Variants in TSNARE1 observed in about 807,000 individuals in gnomAD.
TSNARE1 encodes t-SNARE domain-containing protein 1.
A neutral mutation model predicts 62.0 loss-of-function variants in TSNARE1; 49 were observed. The observed-to-expected ratio is 0.79, with a 90% CI of 0.63 to 1.00. TSNARE1 has a LOEUF of 1.00. Ranked by LOEUF, TSNARE1 falls within the 50% of genes least tolerant of loss-of-function variation. The pLI is 0.00. For synonymous variants in TSNARE1, 328 were observed against 294.4 expected, an observed-to-expected ratio of 1.11 and a Z score of -1.17; for missense variants, 755 against 700.1, an observed-to-expected ratio of 1.08 and a Z score of -0.88.
At chr8:142,347,561 G>A (rs1486474951) in intron 2 of TSNARE1, among the ~76,000 whole-genome samples, 1 of 152,206 alleles carries the variant, frequency 6.6e-6, no homozygotes, top group Non-Finnish European at 1.5e-5. Flanking sequence ...GGCACTTGGT[G>A]ACTGAGCTCA....
rs969934266 is a variant in TSNARE1 at position 142,280,122 on chromosome 8, G to A, written c.1363+4291C>T. 54 of 1,123,398 alleles carry A rather than the reference G, an allele frequency of 4.8e-5. 2 individuals carry two copies. The Admixed American group carries it at 1.9e-3, about 40-fold the overall frequency. The allele number at this position is 1,123,398 out of a possible 1,614,324, so 69.6% of individuals were successfully genotyped here. ...GGGCAGGTGTGCCCCGCAGCGCCCC[G>A]AACAGCAGCGGGTAGTGGCGCCGCA... On this transcript the variant is annotated intron_variant, in intron 11 of 13. Coordinates refer to ENST00000524325, the MANE Select transcript of TSNARE1 (RefSeq NM_145003.5).
intron 6 of TSNARE1, among the ~76,000 whole-genome samples, chr8:142,322,428 G>A (rs1177944961): frequency 6.6e-6 from 1 of 152,152 alleles, no homozygotes; most frequent in Non-Finnish European, 1.5e-5. Flanking sequence ...TAGGAATAAG[G>A]GGGAAAGAAC....
intron 1 of TSNARE1, among the ~76,000 whole-genome samples, chr8:142,385,216 G>T (rs1837033669): frequency 6.6e-6 from 1 of 152,120 alleles, no homozygotes; most frequent in African/African-American, 2.4e-5. Flanking sequence ...AGACAATACA[G>T]TGACACCTCC....
At chr8:142,311,289 A>AGTTTTTTTTTTTTTT (rs1827548519) in intron 9 of TSNARE1, among the ~76,000 whole-genome samples, 3 of 68,810 alleles carry the variant, frequency 4.4e-5, no homozygotes, top group Admixed American at 1.8e-4. Context: ...CAGCCTCTCT[A>AGTTTTTTTTTTTTTT]GTTTTTTTTT....
At chr8:142,393,851 G>T (rs1019297507) in intron 1 of TSNARE1, among the ~76,000 whole-genome samples, 1 of 152,226 alleles carries the variant, frequency 6.6e-6, no homozygotes, top group Non-Finnish European at 1.5e-5. Flanking sequence ...CTGCTCAACC[G>T]AGACTTCCAG....
chr8:142,290,707 G>A (rs1428546885), intron 10 of TSNARE1, among the ~76,000 whole-genome samples: 3 of 152,244 alleles, frequency 2.0e-5, no homozygotes, highest in Admixed American at 2.0e-4. Context: ...GCCAGGTCAG[G>A]CACCTTCAGG....
chr8:142,310,099 T>C lies in TSNARE1; in HGVS notation c.1131+4285A>G, dbSNP rs948279487. 2.2e-4 allele frequency among the ~76,000 whole-genome samples: 34 copies of C among 152,326 alleles called. 2 individuals carry two copies. The highest frequency in any genetic ancestry group is 6.5e-4 in the Admixed American group (10 of 15,302). ...ATTCTGACAACTGGTAATCTGTATT[T>C]TCTTTTTCTATCTTGATTAATCTTG... is the stretch of plus-strand genomic sequence containing the variant. On this transcript the variant is annotated intron_variant, in intron 9 of 13. Transcript: ENST00000524325.
intron 4 of TSNARE1, among the ~76,000 whole-genome samples, chr8:142,340,392 C>G (rs60070950): frequency 0.079 from 11,947 of 152,158 alleles, 632 homozygotes; most frequent in East Asian, 0.28. Context: ...CCAGAACAGG[C>G]AAAGCCGCAG....
chr8:142,220,754 G>A (rs970998206), intron 13 of TSNARE1, among the ~76,000 whole-genome samples: 6 of 152,308 alleles, frequency 3.9e-5, no homozygotes, highest in Non-Finnish European at 7.4e-5. Context: ...CGCCCCAGCC[G>A]GCAGGCAGTG....
In TSNARE1 at chr8:142,330,851, C is replaced by G. The variant is rs370155813; in HGVS notation, c.893+50G>C. 1.5e-5 allele frequency: 24 copies of G among 1,595,278 alleles called. No individual in the cohort carries two copies. The East Asian group carries it at 1.8e-4, about 12-fold the overall frequency. ...AGGACCACACTCCCGCCCCTGCCCC[C>G]CAATGTGCACCACGCCCAGGCAAAG... On this transcript the variant is annotated intron_variant, in intron 6 of 13. Transcript: ENST00000524325.
intron 3 of TSNARE1, among the ~76,000 whole-genome samples, chr8:142,345,240 T>G (rs1833193789): frequency 6.6e-6 from 1 of 152,198 alleles, no homozygotes; most frequent in African/African-American, 2.4e-5. Flanking sequence ...GCTGCATGTC[T>G]GAGCCCCCAA....
intron 1 of TSNARE1, among the ~76,000 whole-genome samples, chr8:142,383,181 A>C (rs1265815453): frequency 6.6e-6 from 1 of 152,176 alleles, no homozygotes; most frequent in Non-Finnish European, 1.5e-5. Flanking sequence ...CACAGGACCT[A>C]AGGGAGGGGA....
intron 2 of TSNARE1, among the ~76,000 whole-genome samples, chr8:142,351,136 G>A: frequency 6.6e-6 from 1 of 152,230 alleles, no homozygotes; most frequent in East Asian, 1.9e-4. Context: ...CAGTTTGGGG[G>A]CACATGTACC....
intron 1 of TSNARE1, chr8:142,365,823 G>T: frequency 2.8e-6 from 1 of 354,316 alleles, no homozygotes; most frequent in Non-Finnish European, 5.6e-6. Flanking sequence ...TTAATCATAG[G>T]AATAAATTGT....
intron 12 of TSNARE1, chr8:142,271,317 C>T: frequency 1.8e-6 from 2 of 1,129,874 alleles, no homozygotes; most frequent in Non-Finnish European, 1.1e-6. Context: ...CTCTGCTCGG[C>T]CAGCCGCTGC....
chr8:142,378,774 C>T (rs1386224883), intron 1 of TSNARE1, among the ~76,000 whole-genome samples: 1 of 152,198 alleles, frequency 6.6e-6, no homozygotes, highest in Non-Finnish European at 1.5e-5. Context: ...AGTAAGCTAC[C>T]GCCCAGAGGT....
At chr8:142,268,437 G>A (rs754169420) in intron 12 of TSNARE1, among the ~76,000 whole-genome samples, 2 of 152,138 alleles carry the variant, frequency 1.3e-5, no homozygotes, top group African/African-American at 2.4e-5. Flanking sequence ...CCTGCCCCTC[G>A]CTGGCTGCAG....
At chr8:142,337,704 G>A (rs887341912) in intron 4 of TSNARE1, among the ~76,000 whole-genome samples, 10 of 152,144 alleles carry the variant, frequency 6.6e-5, no homozygotes, top group South Asian at 2.1e-4. Context: ...GCACTCCTGC[G>A]ACACCGCAGC....
intron 1 of TSNARE1, among the ~76,000 whole-genome samples, chr8:142,357,166 C>A (rs1469901609): frequency 6.6e-6 from 1 of 152,188 alleles, no homozygotes; most frequent in Non-Finnish European, 1.5e-5. Context: ...GGAAGAGAAT[C>A]GTCAGGAACA....
Sources: allele counts gnomAD v4.1 joint callset (sites outside exome capture counted in the v4.1 genomes callset), GRCh38; gene constraint gnomAD v4.1.1; transcripts MANE v1.5; gene names NCBI Gene and HGNC (gene_info 2026-07-23, HGNC 2026-07-21).